The following PPP2R2B variants were observed in gnomAD, a reference collection of about 807,000 sequenced individuals.
PPP2R2B encodes the protein protein phosphatase 2 regulatory subunit Bbeta.
A neutral mutation model predicts 46.0 loss-of-function variants in PPP2R2B; 5 were observed. The ratio of observed to expected loss-of-function variants is 0.11; its 90% CI spans 0.06 to 0.23. The LOEUF (loss-of-function observed/expected upper bound fraction) is 0.23. Ranked by LOEUF, PPP2R2B falls within the 10% of genes least tolerant of loss-of-function variation. PPP2R2B has a pLI of 1.00. For synonymous variants in PPP2R2B, 215 were observed against 206.7 expected (o/e 1.04, Z -0.34); for missense variants, 367 against 575.0 (o/e 0.64, Z 3.70).
At chr5:146,991,378 TC>T (rs1753691245) in intron 1 of PPP2R2B, among the ~76,000 whole-genome samples, 1 of 152,178 alleles carries the variant, frequency 6.6e-6, no homozygotes, top group South Asian at 2.1e-4. Context: ...AAAGTTGATT[TC>T]ATAGAAGTAG....
At chr5:146,722,432 A>G (rs1780863840) in intron 2 of PPP2R2B, among the ~76,000 whole-genome samples, 1 of 152,202 alleles carries the variant, frequency 6.6e-6, no homozygotes, top group South Asian at 2.1e-4. Flanking sequence ...GAATCAGAGA[A>G]AAAATGAGTG....
intron 2 of PPP2R2B, among the ~76,000 whole-genome samples, chr5:146,783,917 T>C (rs1357243791): frequency 6.6e-6 from 1 of 152,182 alleles, no homozygotes; most frequent in Non-Finnish European, 1.5e-5. Context: ...CATTAGAATA[T>C]CAAGGAAGAT....
At chr5:146,962,734 A>C (rs917489696) in intron 1 of PPP2R2B, among the ~76,000 whole-genome samples, 2 of 152,172 alleles carry the variant, frequency 1.3e-5, no homozygotes, top group Non-Finnish European at 2.9e-5. Flanking sequence ...TCAGAATTAC[A>C]AGTATAACCT....
At chr5:146,760,148 TG>T (rs1191151002) in intron 2 of PPP2R2B, among the ~76,000 whole-genome samples, 1 of 152,212 alleles carries the variant, frequency 6.6e-6, no homozygotes, top group African/African-American at 2.4e-5. Flanking sequence ...ATTCAGCTGT[TG>T]TGTAATAACA....
At chr5:146,693,672 G>C (rs888902739) in intron 4 of PPP2R2B, among the ~76,000 whole-genome samples, 6 of 152,202 alleles carry the variant, frequency 3.9e-5, no homozygotes, top group Non-Finnish European at 8.8e-5. Flanking sequence ...TGGTGCCTCA[G>C]TTTCTTTATT....
At chr5:147,054,795 G>A (rs1756996367) in intron 1 of PPP2R2B, 1 of 425,956 alleles carries the variant, frequency 2.3e-6, no homozygotes, top group Non-Finnish European at 4.7e-6. Flanking sequence ...GCCACTAGTA[G>A]GACAATCCTT....
At chr5:146,616,473 C>G (rs1773178998) in intron 7 of PPP2R2B, among the ~76,000 whole-genome samples, 1 of 151,978 alleles carries the variant, frequency 6.6e-6, no homozygotes, top group East Asian at 1.9e-4. Context: ...TGCAAACTAC[C>G]CATCTGACAA....
At chr5:146,736,037 G>C (rs1752515008) in intron 2 of PPP2R2B, among the ~76,000 whole-genome samples, 1 of 152,154 alleles carries the variant, frequency 6.6e-6, no homozygotes, top group Non-Finnish European at 1.5e-5. Flanking sequence ...GAGGGACCAG[G>C]TGGAGATAAT....
chr5:146,821,617 A>G (rs1419728484), intron 2 of PPP2R2B, among the ~76,000 whole-genome samples: 1 of 152,214 alleles, frequency 6.6e-6, no homozygotes, highest in African/African-American at 2.4e-5. Context: ...CTAGCTTGGG[A>G]AAGTAAATTC....
chr5:146,622,174 C>A (rs1015102033), intron 7 of PPP2R2B, among the ~76,000 whole-genome samples: 3 of 152,216 alleles, frequency 2.0e-5, no homozygotes, highest in African/African-American at 7.2e-5. Flanking sequence ...CCCCCTCTAC[C>A]TTTGCCTAGA....
intron 2 of PPP2R2B, among the ~76,000 whole-genome samples, chr5:147,070,083 C>T (rs147181704): frequency 6.6e-6 from 1 of 152,178 alleles, no homozygotes; most frequent in African/African-American, 2.4e-5. Flanking sequence ...GCCACCACAC[C>T]AGGCCCATTT....
chr5:146,869,154 T>G (rs1761474811), intron 2 of PPP2R2B, among the ~76,000 whole-genome samples: 1 of 152,190 alleles, frequency 6.6e-6, no homozygotes, highest in African/African-American at 2.4e-5. Context: ...GTATTCTCAT[T>G]CTCTACATTA....
chr5:146,854,307 G>A (rs1253629024), intron 2 of PPP2R2B, among the ~76,000 whole-genome samples: 2 of 152,004 alleles, frequency 1.3e-5, no homozygotes, highest in African/African-American at 2.4e-5. Flanking sequence ...TACATAATAT[G>A]TTACATATTT....
chr5:147,069,783 C>CTTTTTTTTTTTTT (rs1561611794), intron 2 of PPP2R2B, among the ~76,000 whole-genome samples: 7 of 48,418 alleles, frequency 1.4e-4, no homozygotes, highest in African/African-American at 6.2e-4. Flanking sequence ...ACATTTTATA[C>CTTTTTTTTTTTTT]TGTTTTTTTT....
chr5:146,597,843 T>G (rs1771340536), intron 8 of PPP2R2B, among the ~76,000 whole-genome samples: 1 of 152,216 alleles, frequency 6.6e-6, no homozygotes, highest in Non-Finnish European at 1.5e-5. Flanking sequence ...ATAAGAAAAC[T>G]ACTCTCCTTC....
intron 1 of PPP2R2B, among the ~76,000 whole-genome samples, chr5:146,954,854 A>G (rs1751812000): frequency 6.6e-6 from 1 of 151,904 alleles, no homozygotes; most frequent in Non-Finnish European, 1.5e-5. Context: ...TTACCCCAAA[A>G]GACATATTTT....
At chr5:146,956,703 T>A (rs1751928635) in intron 1 of PPP2R2B, among the ~76,000 whole-genome samples, 1 of 152,182 alleles carries the variant, frequency 6.6e-6, no homozygotes, top group African/African-American at 2.4e-5. Context: ...CAAAGTACCA[T>A]AGACTGAGTG....
intron 1 of PPP2R2B, among the ~76,000 whole-genome samples, chr5:146,977,445 A>G (rs1752970383): frequency 6.6e-6 from 1 of 152,052 alleles, no homozygotes; most frequent in African/African-American, 2.4e-5. Flanking sequence ...TTACGTAGGT[A>G]TACACGTGCC....
At chr5:147,067,658 T>G (rs1757454152) in intron 2 of PPP2R2B, among the ~76,000 whole-genome samples, 1 of 152,216 alleles carries the variant, frequency 6.6e-6, no homozygotes, top group African/African-American at 2.4e-5. Context: ...TTTTCCTTTC[T>G]GTACCCCACT....
Sources: gnomAD v4.1 joint callset for allele counts (sites outside exome capture counted in the v4.1 genomes callset) on GRCh38, gnomAD v4.1.1 for gene constraint, MANE v1.5 for transcripts, NCBI Gene and HGNC (gene_info 2026-07-23, HGNC 2026-07-21) for gene names.